The following KCNJ6 variants were observed in gnomAD, a reference collection of about 807,000 sequenced individuals.
KCNJ6 encodes G protein-activated inward rectifier potassium channel 2.
Under a neutral mutation model 34.2 loss-of-function variants are expected in KCNJ6, and 9 were observed. The observed-to-expected ratio is 0.26, with a 90% CI of 0.16 to 0.46. The LOEUF is 0.46. KCNJ6 is among the 20% of genes least tolerant of loss of function. The pLI is 1.00. For synonymous variants in KCNJ6, 196 were observed against 207.1 expected, an observed-to-expected ratio of 0.95 and a Z score of 0.46; for missense variants, 236 against 531.3, an observed-to-expected ratio of 0.44 and a Z score of 5.46.
chr21:37,863,853 T>TTTG, intron 1 of KCNJ6, among the ~76,000 whole-genome samples: 1 of 77,292 alleles, frequency 1.3e-5, no homozygotes, highest in Non-Finnish European at 2.5e-5. Flanking sequence ...AAGGTTTTTT[T>TTTG]TTTTTTGTTT....
intron 2 of KCNJ6, among the ~76,000 whole-genome samples, chr21:37,790,167 C>T (rs541426302): frequency 3.3e-5 from 5 of 152,278 alleles, no homozygotes; most frequent in African/African-American, 4.8e-5. Flanking sequence ...GACTCTGTTG[C>T]ATTTGAAGTC....
At chr21:37,882,024 G>A (rs2055711350) in intron 1 of KCNJ6, among the ~76,000 whole-genome samples, 2 of 152,170 alleles carry the variant, frequency 1.3e-5, no homozygotes, top group Non-Finnish European at 1.5e-5. Context: ...CCCTGTCTTT[G>A]GAAGCATCCA....
At chr21:37,669,454 A>G (rs1417403749) in intron 3 of KCNJ6, among the ~76,000 whole-genome samples, 1 of 152,136 alleles carries the variant, frequency 6.6e-6, no homozygotes, top group African/African-American at 2.4e-5. Flanking sequence ...ACATACTACA[A>G]ATTCAAAGCT....
At chr21:37,831,155 G>A (rs1297508941) in intron 2 of KCNJ6, among the ~76,000 whole-genome samples, 1 of 152,172 alleles carries the variant, frequency 6.6e-6, no homozygotes, top group African/African-American at 2.4e-5. Context: ...GAACATGCCT[G>A]TAATCTCAAC....
chr21:37,837,091 T>C (rs2055455592), intron 2 of KCNJ6, among the ~76,000 whole-genome samples: 1 of 151,968 alleles, frequency 6.6e-6, no homozygotes, highest in Admixed American at 6.6e-5. Flanking sequence ...AATACCCCCT[T>C]CTCTTGGGCT....
At chr21:37,642,260 C>T (rs953931746) in intron 3 of KCNJ6, among the ~76,000 whole-genome samples, 1 of 151,922 alleles carries the variant, frequency 6.6e-6, no homozygotes. Flanking sequence ...AAAGGCTGAG[C>T]AGGAGACAAA....
At chr21:37,894,355 C>T (rs1207654981) in intron 1 of KCNJ6, among the ~76,000 whole-genome samples, 2 of 152,158 alleles carry the variant, frequency 1.3e-5, no homozygotes, top group Admixed American at 6.5e-5. Flanking sequence ...TTGAGAAACA[C>T]TAACTTACAG....
At chr21:37,773,307 C>T (rs575193571) in intron 2 of KCNJ6, among the ~76,000 whole-genome samples, 1 of 152,284 alleles carries the variant, frequency 6.6e-6, no homozygotes, top group African/African-American at 2.4e-5. Context: ...GCCCCGTCAA[C>T]TGGCTACATG....
intron 2 of KCNJ6, among the ~76,000 whole-genome samples, chr21:37,836,767 A>G (rs576443126): frequency 6.6e-6 from 1 of 152,256 alleles, no homozygotes; most frequent in South Asian, 2.1e-4. Flanking sequence ...GAGGGATAAC[A>G]TTAGGAGAAA....
At chr21:37,715,163 G>C in intron 2 of KCNJ6, 32 bp from the exon 3 acceptor site, 14 of 1,562,450 alleles carry the variant, frequency 9.0e-6, no homozygotes, top group Non-Finnish European at 1.1e-5. Context: ...AAGAAACACT[G>C]AATGAAAGGC....
chr21:37,907,938 A>G (rs2055849568), intron 1 of KCNJ6, among the ~76,000 whole-genome samples: 1 of 152,254 alleles, frequency 6.6e-6, no homozygotes, highest in African/African-American at 2.4e-5. Flanking sequence ...CCTGTCCTCA[A>G]AAACATTCTC....
At chr21:37,657,476 C>G (rs983101623) in intron 3 of KCNJ6, among the ~76,000 whole-genome samples, 1 of 152,128 alleles carries the variant, frequency 6.6e-6, no homozygotes, top group African/African-American at 2.4e-5. Context: ...GATTCTGAGA[C>G]AGGTGAGGGT....
chr21:37,836,555 A>G (rs2055452692), intron 2 of KCNJ6, among the ~76,000 whole-genome samples: 1 of 152,226 alleles, frequency 6.6e-6, no homozygotes, highest in Non-Finnish European at 1.5e-5. Flanking sequence ...AATACCATGC[A>G]GCCATAAAAA....
At chr21:37,635,378 C>T (rs898418106) in intron 3 of KCNJ6, among the ~76,000 whole-genome samples, 13 of 151,898 alleles carry the variant, frequency 8.6e-5, no homozygotes, top group South Asian at 4.2e-4. Flanking sequence ...CCAGCACGCC[C>T]GGCTAATTTT....
intron 1 of KCNJ6, among the ~76,000 whole-genome samples, chr21:37,882,662 C>A (rs1394782218): frequency 6.6e-6 from 1 of 152,214 alleles, no homozygotes; most frequent in Non-Finnish European, 1.5e-5. Flanking sequence ...CAAGCTCCAA[C>A]TGTGGTGGGA....
intron 3 of KCNJ6, among the ~76,000 whole-genome samples, chr21:37,669,446 A>T (rs1569442130): frequency 6.6e-6 from 1 of 152,182 alleles, no homozygotes; most frequent in Non-Finnish European, 1.5e-5. Context: ...TTTTGCTGAC[A>T]TACTACAAAT....
intron 3 of KCNJ6, among the ~76,000 whole-genome samples, chr21:37,649,876 C>T (rs1569437601): frequency 6.6e-6 from 1 of 152,146 alleles, no homozygotes; most frequent in South Asian, 2.1e-4. Context: ...CCTCAGCCTC[C>T]CCAAGTAGCT....
At chr21:37,768,084 CT>C (rs201597411) in intron 2 of KCNJ6, among the ~76,000 whole-genome samples, 5,698 of 127,932 alleles carry the variant, frequency 0.045, 199 homozygotes, top group African/African-American at 0.1. Context: ...TGTGTATGGA[CT>C]TTTTTTTTTT....
chr21:37,750,483 C>T (rs748685007), intron 2 of KCNJ6, among the ~76,000 whole-genome samples: 2 of 152,098 alleles, frequency 1.3e-5, no homozygotes, highest in Admixed American at 6.5e-5. Flanking sequence ...CCAACCTAAA[C>T]GCCCATCAAT....
Sources: gnomAD v4.1 joint callset for allele counts (sites outside exome capture counted in the v4.1 genomes callset) on GRCh38, gnomAD v4.1.1 for gene constraint, MANE v1.5 for transcripts, NCBI Gene and HGNC (gene_info 2026-07-23, HGNC 2026-07-21) for gene names.